Variants in TBC1D19 observed in about 807,000 individuals in gnomAD.
TBC1D19 encodes TBC1 domain family member 19, also known as TBC1 domain family, member 19.
TBC1D19 carries 60 observed loss-of-function variants against 89.0 expected under a neutral mutation model. That is an observed-to-expected ratio of 0.67 (90% CI 0.55 to 0.84). TBC1D19 has a LOEUF of 0.84. TBC1D19 is among the 40% of genes least tolerant of loss of function. The pLI is 0.00. For synonymous variants in TBC1D19, 189 were observed against 199.7 expected, an observed-to-expected ratio of 0.95 and a Z score of 0.45; for missense variants, 500 against 610.8, an observed-to-expected ratio of 0.82 and a Z score of 1.91.
chr4:26,671,975 T>C (rs929488654), intron 9 of TBC1D19, among the ~76,000 whole-genome samples, 174 bp from the exon 10 acceptor site: 2 of 151,822 alleles, frequency 1.3e-5, no homozygotes, highest in Non-Finnish European at 3.0e-5. Flanking sequence ...GTTTTAATTT[T>C]AAAAAATGTA....
At chr4:26,851,802 C>T in the TBC1D19 span, among the ~76,000 whole-genome samples, 5 of 152,040 alleles carry the variant, frequency 3.3e-5, no homozygotes, top group Non-Finnish European at 4.4e-5. Flanking sequence ...CTGCAACCTC[C>T]GCCTCCCAGG....
chr4:26,735,516 G>A (rs750621463), intron 16 of TBC1D19, 29 bp downstream of exon 16: 4 of 1,528,896 alleles, frequency 2.6e-6, no homozygotes, highest in East Asian at 2.3e-5. Flanking sequence ...ACATCATAAT[G>A]TACACAAAAC....
chr4:26,656,513 A>G (rs76450938), intron 7 of TBC1D19, among the ~76,000 whole-genome samples: 1,926 of 152,160 alleles, frequency 0.013, 35 homozygotes, highest in African/African-American at 0.043. Flanking sequence ...TTACAGAAGT[A>G]AGATTCCTAC....
chr4:26,683,011 T>C (rs767809638), intron 11 of TBC1D19, among the ~76,000 whole-genome samples: 11 of 152,162 alleles, frequency 7.2e-5, no homozygotes, highest in Non-Finnish European at 1.5e-4. Flanking sequence ...AGTGGCTCAA[T>C]CATAACTCAC....
the TBC1D19 span, among the ~76,000 whole-genome samples, chr4:26,797,599 C>T: frequency 2.6e-5 from 4 of 152,070 alleles, no homozygotes; most frequent in Non-Finnish European, 4.4e-5. Context: ...TAATCCTAAG[C>T]AAAAAGAACA....
At chr4:26,660,604 G>A (rs1163184179) in intron 8 of TBC1D19, among the ~76,000 whole-genome samples, 2 of 152,168 alleles carry the variant, frequency 1.3e-5, no homozygotes, top group Non-Finnish European at 2.9e-5. Flanking sequence ...GACACTGCAA[G>A]GCCATAGCAG....
At chr4:26,848,665 A>C in the TBC1D19 span, among the ~76,000 whole-genome samples, 1 of 152,188 alleles carries the variant, frequency 6.6e-6, no homozygotes, top group African/African-American at 2.4e-5. Context: ...GCCATTTATC[A>C]AATTCTCAGA....
chr4:26,814,511 C>T, the TBC1D19 span, among the ~76,000 whole-genome samples: 16 of 152,256 alleles, frequency 1.1e-4, no homozygotes, highest in African/African-American at 3.6e-4. Flanking sequence ...AAAGGAAGGT[C>T]CTCTCTTCTT....
At chr4:26,843,834 AT>A in the TBC1D19 span, among the ~76,000 whole-genome samples, 21 of 152,172 alleles carry the variant, frequency 1.4e-4, no homozygotes, top group Admixed American at 3.9e-4. Flanking sequence ...GCTTTTACCC[AT>A]GACAGAAGGT....
the TBC1D19 span, among the ~76,000 whole-genome samples, chr4:26,840,130 G>A: frequency 6.7e-6 from 1 of 149,480 alleles, no homozygotes; most frequent in Non-Finnish European, 1.5e-5. Context: ...CGCCCAGGCT[G>A]GAGTGCAGTG....
intron 1 of TBC1D19, among the ~76,000 whole-genome samples, 154 bp downstream of exon 1, chr4:26,584,446 A>G (rs1028164122): frequency 5.3e-5 from 8 of 151,662 alleles, no homozygotes; most frequent in Non-Finnish European, 1.2e-4. Flanking sequence ...AACAAAAACA[A>G]AAACAAAAAC....
intron 13 of TBC1D19, among the ~76,000 whole-genome samples, chr4:26,714,464 C>G (rs1035873848): frequency 1.3e-5 from 2 of 152,038 alleles, no homozygotes; most frequent in Non-Finnish European, 1.5e-5. Context: ...CTCCTTTTAA[C>G]TAATCTCTCA....
the TBC1D19 span, among the ~76,000 whole-genome samples, chr4:26,804,988 G>A: frequency 1.3e-5 from 2 of 152,156 alleles, no homozygotes; most frequent in East Asian, 3.9e-4. Context: ...TGGAAAGGAA[G>A]CAGCGTGAAG....
At chr4:26,699,281 A>G (rs575282316) in intron 13 of TBC1D19, among the ~76,000 whole-genome samples, 30 of 152,362 alleles carry the variant, frequency 2.0e-4, no homozygotes, top group Admixed American at 1.2e-3. Flanking sequence ...ATCACTGGCC[A>G]TCAGAGAAAT....
the TBC1D19 span, among the ~76,000 whole-genome samples, chr4:26,768,690 C>G: frequency 6.6e-6 from 1 of 151,844 alleles, no homozygotes; most frequent in Non-Finnish European, 1.5e-5. Flanking sequence ...AAAGGAACTG[C>G]TTATTTTAAC....
In TBC1D19 at chr4:26,739,905, TATCA is replaced by T; in HGVS notation, c.1160_1163del (p.Tyr387Ter). The T allele has an allele frequency of 1.3e-6, 2 of 1,599,330 alleles. No homozygotes were observed. Among genetic ancestry groups the T allele is most frequent in the Non-Finnish European group, 1.7e-6 (2 of 1,173,828 alleles). ...TCTATACCATGAACCTTCCAAATTG[TATCA>T]GATATTCCGTGAGATGTATGTGCGT... On this transcript the variant is annotated frameshift_variant, in exon 17 of 21. Transcript: ENST00000264866. LOFTEE classifies it high-confidence loss of function.
chr4:26,588,283 C>T (rs967346057), intron 1 of TBC1D19, among the ~76,000 whole-genome samples: 1 of 152,096 alleles, frequency 6.6e-6, no homozygotes, highest in African/African-American at 2.4e-5. Flanking sequence ...CCTTGGCCTC[C>T]TAAAGGGCTG....
chr4:26,704,324 A>T (rs1715564024), intron 13 of TBC1D19, among the ~76,000 whole-genome samples: 1 of 152,216 alleles, frequency 6.6e-6, no homozygotes, highest in South Asian at 2.1e-4. Context: ...GTAAGTTAAC[A>T]TATTGTCCAA....
At chr4:26,779,213 G>A in the TBC1D19 span, among the ~76,000 whole-genome samples, 1 of 152,198 alleles carries the variant, frequency 6.6e-6, no homozygotes, top group Non-Finnish European at 1.5e-5. Context: ...ACTACCGGAA[G>A]CCTCCTTCAA....
Sources: allele counts gnomAD v4.1 joint callset (sites outside exome capture counted in the v4.1 genomes callset), GRCh38; gene constraint gnomAD v4.1.1; transcripts MANE v1.5; gene names NCBI Gene and HGNC (gene_info 2026-07-23, HGNC 2026-07-21).